Variants in RBM47 observed in about 807,000 individuals in gnomAD.
RBM47 encodes the protein RNA-binding protein 47.
In RBM47, 21 loss-of-function variants were observed where a neutral mutation model predicts 47.1. The ratio of observed to expected loss-of-function variants is 0.45; its 90% CI spans 0.32 to 0.64. The LOEUF (loss-of-function observed/expected upper bound fraction) is 0.64. Among genes scored for constraint, RBM47 ranks in the 30% least tolerant of loss-of-function variants. The pLI is 0.05. For missense variants in RBM47, 708 were observed against 870.9 expected (o/e 0.81, Z 2.35); for synonymous variants, 375 against 361.7 (o/e 1.04, Z -0.42).
chr4:40,489,911 A>G (rs1398392771), intron 2 of RBM47, among the ~76,000 whole-genome samples: 4 of 152,206 alleles, frequency 2.6e-5, no homozygotes, highest in Admixed American at 6.5e-5. Context: ...ATACACAACT[A>G]AATACTAATA....
chr4:40,522,769 G>A (rs138229035), intron 2 of RBM47, among the ~76,000 whole-genome samples: 1 of 151,886 alleles, frequency 6.6e-6, no homozygotes, highest in East Asian at 1.9e-4. Context: ...AAATATAAAC[G>A]ACATGATCTT....
At chr4:40,576,264 G>GGT (rs1553903914) in intron 1 of RBM47, among the ~76,000 whole-genome samples, 1 of 135,792 alleles carries the variant, frequency 7.4e-6, no homozygotes, top group Non-Finnish European at 1.6e-5. Context: ...TTTGGGGGGG[G>GGT]GCGGAGACAG....
chr4:40,501,820 G>C (rs1242824533), intron 2 of RBM47, among the ~76,000 whole-genome samples: 1 of 152,172 alleles, frequency 6.6e-6, no homozygotes, highest in Non-Finnish European at 1.5e-5. Flanking sequence ...TACACTATTA[G>C]AAATGTGTGA....
chr4:40,591,317 T>C (rs961406410), intron 1 of RBM47, among the ~76,000 whole-genome samples: 2 of 152,188 alleles, frequency 1.3e-5, no homozygotes, highest in Non-Finnish European at 2.9e-5. Flanking sequence ...CAGAATTGTA[T>C]ACTTTAAAAT....
At chr4:40,623,109 C>T (rs1305550159) in intron 1 of RBM47, among the ~76,000 whole-genome samples, 1 of 152,180 alleles carries the variant, frequency 6.6e-6, no homozygotes, top group Non-Finnish European at 1.5e-5. Flanking sequence ...GTGCCTCCTG[C>T]AGTTCCCACC....
At chr4:40,614,084 G>C (rs116229508) in intron 1 of RBM47, among the ~76,000 whole-genome samples, 129 of 152,108 alleles carry the variant, frequency 8.5e-4, no homozygotes, top group African/African-American at 3.0e-3. Context: ...CACCAGTCTG[G>C]AACCATCCTA....
At chr4:40,493,505 C>G (rs942734928) in intron 2 of RBM47, among the ~76,000 whole-genome samples, 1 of 152,076 alleles carries the variant, frequency 6.6e-6, no homozygotes, top group African/African-American at 2.4e-5. Flanking sequence ...ATGTTTTGGC[C>G]TGGCGCAGTG....
chr4:40,578,605 T>C (rs1385655768), intron 1 of RBM47, among the ~76,000 whole-genome samples: 1 of 152,248 alleles, frequency 6.6e-6, no homozygotes, highest in African/African-American at 2.4e-5. Flanking sequence ...TTAGATTTCA[T>C]TGTTCTTCCA....
chr4:40,576,047 G>A (rs1213162082), intron 1 of RBM47, among the ~76,000 whole-genome samples: 11 of 152,144 alleles, frequency 7.2e-5, no homozygotes, highest in Non-Finnish European at 1.2e-4. Flanking sequence ...CCTTTGGATC[G>A]GACACTGGGG....
At chr4:40,498,063 T>C (rs1211736063) in intron 2 of RBM47, among the ~76,000 whole-genome samples, 2 of 137,252 alleles carry the variant, frequency 1.5e-5, no homozygotes, top group Admixed American at 7.4e-5. Flanking sequence ...TTTATATATA[T>C]ATATATATAT....
At chr4:40,450,253 C>T (rs536435027) in intron 3 of RBM47, among the ~76,000 whole-genome samples, 1 of 152,234 alleles carries the variant, frequency 6.6e-6, no homozygotes, top group East Asian at 1.9e-4. Flanking sequence ...ACAGTGGCTT[C>T]TATCATTTAA....
At chr4:40,568,578 A>G (rs1049259985) in intron 1 of RBM47, among the ~76,000 whole-genome samples, 3 of 151,716 alleles carry the variant, frequency 2.0e-5, no homozygotes, top group African/African-American at 7.3e-5. Flanking sequence ...ACAAAAAAAT[A>G]GGAAGGCATA....
In RBM47 at chr4:40,505,010, A is replaced by G. The variant is rs970608060; in HGVS notation, c.-154-38311T>C. On this transcript the variant is annotated intron_variant, in intron 2 of 6. Transcript: ENST00000295971. ...CCTTAATTTTCCTTTAGGCAAAGATAAAGATTTTTATCTTTAAAAGATGCT... is the reference window on the plus strand; with the variant it reads ...CCTTAATTTTCCTTTAGGCAAAGATGAAGATTTTTATCTTTAAAAGATGCT... Among the ~76,000 whole-genome samples, 3 of 152,222 alleles carry G rather than the reference A, an allele frequency of 2.0e-5. No homozygotes were observed. The East Asian group carries it at 5.8e-4, about 29-fold the overall frequency.
intron 1 of RBM47, among the ~76,000 whole-genome samples, chr4:40,618,379 C>T (rs964546950): frequency 3.3e-5 from 5 of 152,004 alleles, no homozygotes; most frequent in South Asian, 2.1e-4. Flanking sequence ...AGCAATGTCA[C>T]GCCACTGCAC....
At chr4:40,522,289 G>C (rs1726269084) in intron 2 of RBM47, among the ~76,000 whole-genome samples, 1 of 152,182 alleles carries the variant, frequency 6.6e-6, no homozygotes, top group Non-Finnish European at 1.5e-5. Flanking sequence ...CAGATCACCT[G>C]AGGTCAGGAG....
chr4:40,509,965 G>A (rs1463754741), intron 2 of RBM47, among the ~76,000 whole-genome samples: 4 of 151,812 alleles, frequency 2.6e-5, no homozygotes, highest in South Asian at 2.1e-4. Flanking sequence ...GGGGGGGTGG[G>A]TCACTTGAGG....
chr4:40,433,827 A>T (rs1280003689), intron 5 of RBM47, among the ~76,000 whole-genome samples: 1 of 152,194 alleles, frequency 6.6e-6, no homozygotes, highest in East Asian at 1.9e-4. Context: ...GAAGATGTGG[A>T]GTGATTGGCT....
intron 2 of RBM47, among the ~76,000 whole-genome samples, chr4:40,495,792 G>C (rs562295109): frequency 1.3e-5 from 2 of 151,478 alleles, no homozygotes; most frequent in Admixed American, 6.6e-5. Flanking sequence ...CCTCCTGGAG[G>C]TTCCTTATTT....
chr4:40,600,985 CA>C (rs56054491), intron 1 of RBM47, among the ~76,000 whole-genome samples: 2,342 of 50,118 alleles, frequency 0.047, 135 homozygotes, highest in African/African-American at 0.15. Context: ...AACTCCGTCT[CA>C]AAAAAAAAAA....
Sources: gnomAD v4.1 joint callset for allele counts (sites outside exome capture counted in the v4.1 genomes callset) on GRCh38, gnomAD v4.1.1 for gene constraint, MANE v1.5 for transcripts, NCBI Gene and HGNC (gene_info 2026-07-23, HGNC 2026-07-21) for gene names.